The following ADAMTS17 variants were observed in gnomAD, a reference collection of about 807,000 sequenced individuals.
ADAMTS17 encodes A disintegrin and metalloproteinase with thrombospondin motifs 17.
Under a neutral mutation model 141.5 loss-of-function variants are expected in ADAMTS17, and 113 were observed. The observed-to-expected ratio is 0.80, with a 90% CI of 0.69 to 0.93. ADAMTS17 has a LOEUF of 0.93. Among genes scored for constraint, ADAMTS17 ranks in the 40% least tolerant of loss-of-function variants. ADAMTS17 has a pLI of 0.00. For synonymous variants in ADAMTS17, 768 were observed against 630.6 expected (o/e 1.22, Z -3.27); for missense variants, 1,659 against 1,517.9 (o/e 1.09, Z -1.54).
At chr15:100,004,411 T>C (rs2060994810) in intron 18 of ADAMTS17, among the ~76,000 whole-genome samples, 1 of 152,158 alleles carries the variant, frequency 6.6e-6, no homozygotes, top group Non-Finnish European at 1.5e-5. Flanking sequence ...TGAACGACAC[T>C]GTGCAACTCA....
At chr15:100,245,420 C>T (rs528282240) in intron 7 of ADAMTS17, among the ~76,000 whole-genome samples, 165 of 152,384 alleles carry the variant, frequency 1.1e-3, no homozygotes, top group African/African-American at 3.9e-3. Context: ...AGCCCTCTTG[C>T]TTTCCAGCCC....
In ADAMTS17 at chr15:100,321,965, C is replaced by T. The variant is rs139585483; in HGVS notation, c.616+8924G>A. Among the ~76,000 whole-genome samples the T allele has an allele frequency of 2.0e-3, 304 of 152,248 alleles. 1 individual carries two copies. Among genetic ancestry groups the T allele is most frequent in the African/African-American group, 6.6e-3 (276 of 41,534 alleles). ...ACAAAAACATCTATGTTCTAGGCCA[C>T]GATGCAAATCTCTACCACTACCAGT... is the stretch of plus-strand genomic sequence containing the variant. On this transcript the variant is annotated intron_variant, in intron 3 of 21. Coordinates refer to ENST00000268070, the MANE Select transcript of ADAMTS17 (RefSeq NM_139057.4).
At chr15:100,133,180 T>C in intron 11 of ADAMTS17, 34 bp downstream of exon 11, 1 of 1,545,426 alleles carries the variant, frequency 6.5e-7, no homozygotes, top group Non-Finnish European at 8.8e-7. Context: ...GATGTGGAGC[T>C]GCCTGTTGGG....
intron 8 of ADAMTS17, among the ~76,000 whole-genome samples, chr15:100,159,218 C>T (rs186011044): frequency 7.9e-5 from 12 of 152,288 alleles, no homozygotes; most frequent in African/African-American, 2.9e-4. Context: ...TGAACCCAAC[C>T]TAAACAGCCA....
chr15:100,255,066 G>C (rs1224421170), intron 6 of ADAMTS17, among the ~76,000 whole-genome samples: 1 of 152,160 alleles, frequency 6.6e-6, no homozygotes, highest in African/African-American at 2.4e-5. Flanking sequence ...TGGGTGGGTG[G>C]TATCTGTGGA....
At chr15:100,068,913 G>A (rs1300433233) in intron 15 of ADAMTS17, among the ~76,000 whole-genome samples, 1 of 152,200 alleles carries the variant, frequency 6.6e-6, no homozygotes, top group Non-Finnish European at 1.5e-5. Context: ...GATAAGCTGA[G>A]AGAAGAAGGC....
chr15:100,020,551 C>T (rs1193134649), intron 18 of ADAMTS17, among the ~76,000 whole-genome samples: 2 of 152,194 alleles, frequency 1.3e-5, no homozygotes, highest in African/African-American at 2.4e-5. Context: ...CCAGAGCCAT[C>T]AGGAGCCAGC....
intron 7 of ADAMTS17, among the ~76,000 whole-genome samples, chr15:100,203,956 A>G (rs1650997747): frequency 6.6e-6 from 1 of 151,830 alleles, no homozygotes; most frequent in African/African-American, 2.4e-5. Context: ...AGCTCATTTA[A>G]TTTATCGAGA....
rs530003718 is a variant in ADAMTS17 at position 100,025,414 on chromosome 15, CTTTTTTT to C, written c.2591+23436_2591+23442del. Among the ~76,000 whole-genome samples the C allele has an allele frequency of 1.2e-3, 165 of 135,952 alleles. 1 individual carries two copies. The highest frequency in any genetic ancestry group is 2.1e-3 in the Non-Finnish European group (134 of 62,556). 89.2% of individuals were successfully genotyped at this position (135,952 alleles called of 152,430 possible). On this transcript the variant is annotated intron_variant, in intron 18 of 21. Coordinates refer to ENST00000268070, the MANE Select transcript of ADAMTS17 (RefSeq NM_139057.4). Reference sequence around the variant, plus strand: ...CAATCTTTTTCTCTTCTTTTCTTTTCTTTTTTTTTTTTTTTGAGACAGACTTTCACTC... The same window carrying C: ...CAATCTTTTTCTCTTCTTTTCTTTTCTTTTTTTTGAGACAGACTTTCACTC...
At chr15:100,019,097 A>C (rs370925306) in intron 18 of ADAMTS17, among the ~76,000 whole-genome samples, 3 of 152,360 alleles carry the variant, frequency 2.0e-5, no homozygotes, top group South Asian at 2.1e-4. Context: ...TAAATGTGTA[A>C]GACGAAATCA....
At chr15:100,315,330 G>A (rs2045531101) in intron 3 of ADAMTS17, among the ~76,000 whole-genome samples, 1 of 152,134 alleles carries the variant, frequency 6.6e-6, no homozygotes, top group Admixed American at 6.5e-5. Flanking sequence ...CCTTCCCAGG[G>A]AACACTGCAG....
At chr15:100,007,442 T>C (rs1300128266) in intron 18 of ADAMTS17, among the ~76,000 whole-genome samples, 1 of 150,830 alleles carries the variant, frequency 6.6e-6, no homozygotes, top group African/African-American at 2.4e-5. Flanking sequence ...GAGACGGAGA[T>C]GGAGTTTCGC....
intron 12 of ADAMTS17, among the ~76,000 whole-genome samples, chr15:100,121,687 A>C (rs1014165179): frequency 1.3e-5 from 2 of 152,030 alleles, no homozygotes; most frequent in Admixed American, 1.3e-4. Context: ...CATTACAATA[A>C]ATGCTAAAGG....
At chr15:100,216,499 T>A (rs944878935) in intron 7 of ADAMTS17, among the ~76,000 whole-genome samples, 21 of 152,184 alleles carry the variant, frequency 1.4e-4, no homozygotes, top group Non-Finnish European at 2.6e-4. Flanking sequence ...TTATCTGCGC[T>A]GGGGGCCAGG....
chr15:100,337,107 C>G (rs917142184), intron 2 of ADAMTS17, among the ~76,000 whole-genome samples: 1 of 152,248 alleles, frequency 6.6e-6, no homozygotes, highest in Non-Finnish European at 1.5e-5. Flanking sequence ...AGCTCCTGAC[C>G]TGCTGGTCCA....
intron 15 of ADAMTS17, among the ~76,000 whole-genome samples, chr15:100,087,741 A>G (rs922852582): frequency 1.3e-5 from 2 of 152,242 alleles, no homozygotes; most frequent in Non-Finnish European, 2.9e-5. Context: ...CAAAAACCAC[A>G]TGATTATCTC....
intron 14 of ADAMTS17, among the ~76,000 whole-genome samples, chr15:100,098,342 G>A (rs2035888889): frequency 6.6e-6 from 1 of 152,074 alleles, no homozygotes; most frequent in Admixed American, 6.5e-5. Context: ...CTATCAAGTT[G>A]CTCAGTATAA....
At chr15:100,305,688 G>C (rs1467713405) in intron 3 of ADAMTS17, among the ~76,000 whole-genome samples, 1 of 152,150 alleles carries the variant, frequency 6.6e-6, no homozygotes, top group Non-Finnish European at 1.5e-5. Context: ...TTATCTTATC[G>C]TGAGGGTGGT....
intron 3 of ADAMTS17, among the ~76,000 whole-genome samples, chr15:100,302,980 ACTCCAAGTT>A: frequency 6.6e-6 from 1 of 151,654 alleles, no homozygotes; most frequent in Non-Finnish European, 1.5e-5. Context: ...CAAACATCGG[ACTCCAAGTT>A]CTTCAGTTTT....
Sources: allele counts gnomAD v4.1 joint callset (sites outside exome capture counted in the v4.1 genomes callset), GRCh38; gene constraint gnomAD v4.1.1; transcripts MANE v1.5; gene names NCBI Gene and HGNC (gene_info 2026-07-23, HGNC 2026-07-21).